The following TENM3 variants were observed in gnomAD, a reference collection of about 807,000 sequenced individuals.
The protein encoded by TENM3 is teneurin-3.
Under a neutral mutation model 255.1 loss-of-function variants are expected in TENM3, and 63 were observed. The ratio of observed to expected loss-of-function variants is 0.25; its 90% CI spans 0.20 to 0.30. TENM3 has a LOEUF of 0.30. Among genes scored for constraint, TENM3 ranks in the 10% least tolerant of loss-of-function variants. The pLI is 1.00. For missense variants in TENM3, 2,929 were observed against 3,461.1 expected, an observed-to-expected ratio of 0.85 and a Z score of 3.86; for synonymous variants, 1,306 against 1,322.3, an observed-to-expected ratio of 0.99 and a Z score of 0.27.
At chr4:182,227,264 G>A (rs1034348358) in intron 1 of TENM3, among the ~76,000 whole-genome samples, 1 of 152,134 alleles carries the variant, frequency 6.6e-6, no homozygotes, top group African/African-American at 2.4e-5. Flanking sequence ...ATTTCTCAGA[G>A]CTGTTCCTCC....
the TENM3 span, among the ~76,000 whole-genome samples, chr4:181,843,961 G>A: frequency 0.011 from 1,666 of 152,046 alleles, 42 homozygotes; most frequent in African/African-American, 0.038. Flanking sequence ...CTCGTGATCC[G>A]CCCGCCTCGG....
chr4:182,628,810 G>T lies in TENM3; in HGVS notation c.909G>T (p.Lys303Asn), dbSNP rs201807618. 7.4e-6 allele frequency: 12 copies of T among 1,611,234 alleles called. No homozygotes were observed. Among genetic ancestry groups the T allele is most frequent in the Middle Eastern group, 1.7e-4 (1 of 6,058 alleles). The change falls in exon 5 of 28, where the codon AAG becomes AAT. Residue 303 changes from lysine (K) to asparagine (N), a missense_variant. Physicochemically the swap from Lys to Asn is moderately conservative, Grantham distance 94. Transcript: ENST00000511685. Reference sequence around the variant, plus strand: ...CTTTTAAATTCAAGAAGTCTTCAAAGTACTGTAGCTGGAAATGCACTGCAC... The same window carrying T: ...CTTTTAAATTCAAGAAGTCTTCAAATTACTGTAGCTGGAAATGCACTGCAC... ...RSAFKFKKSS[K>N]YCSWKCTALC...
At chr4:181,986,295 C>T in the TENM3 span, among the ~76,000 whole-genome samples, 1 of 151,966 alleles carries the variant, frequency 6.6e-6, no homozygotes, top group Non-Finnish European at 1.5e-5. Context: ...AGTGTTCTCC[C>T]TGCTCTCAGG....
At chr4:182,065,190 A>T in the TENM3 span, among the ~76,000 whole-genome samples, 44 of 152,132 alleles carry the variant, frequency 2.9e-4, no homozygotes, top group African/African-American at 1.0e-3. Context: ...ATGTGGCACC[A>T]TGCCTATCTA....
the TENM3 span, among the ~76,000 whole-genome samples, chr4:181,793,368 C>A: frequency 1.3e-3 from 203 of 152,318 alleles, no homozygotes; most frequent in Non-Finnish European, 2.5e-3. Context: ...ACTCGCTGAG[C>A]CCACAGAGCA....
At chr4:182,105,745 T>C in the TENM3 span, among the ~76,000 whole-genome samples, 1 of 152,190 alleles carries the variant, frequency 6.6e-6, no homozygotes, top group South Asian at 2.1e-4. Context: ...CACCCTTATG[T>C]AGCGGATTGA....
the TENM3 span, among the ~76,000 whole-genome samples, chr4:182,109,614 C>T: frequency 1.3e-5 from 2 of 152,144 alleles, no homozygotes; most frequent in Admixed American, 1.3e-4. Context: ...AGTAAAGTAG[C>T]CCAGAGTAGG....
At chr4:182,699,377 C>T (rs1168123532) in intron 12 of TENM3, among the ~76,000 whole-genome samples, 5 of 152,180 alleles carry the variant, frequency 3.3e-5, no homozygotes, top group Admixed American at 2.0e-4. Context: ...TTGGCAAACC[C>T]GATTCCTTCC....
intron 1 of TENM3, among the ~76,000 whole-genome samples, chr4:182,191,942 A>G (rs182283604): frequency 6.6e-6 from 1 of 152,316 alleles, no homozygotes; most frequent in African/African-American, 2.4e-5. Context: ...TATTTATTAC[A>G]TAATTACCGT....
At chr4:181,883,918 G>A in the TENM3 span, among the ~76,000 whole-genome samples, 10 of 152,120 alleles carry the variant, frequency 6.6e-5, no homozygotes, top group Non-Finnish European at 1.3e-4. Flanking sequence ...TCTGGTTGCC[G>A]GAAGAAAGAA....
chr4:182,733,571 G>A (rs181466900), intron 16 of TENM3, among the ~76,000 whole-genome samples: 180 of 150,026 alleles, frequency 1.2e-3, no homozygotes, highest in African/African-American at 4.2e-3. Flanking sequence ...AAACTAAAGA[G>A]GTAAATTTGG....
chr4:181,911,993 C>T, the TENM3 span, among the ~76,000 whole-genome samples: 2 of 152,202 alleles, frequency 1.3e-5, no homozygotes, highest in Non-Finnish European at 2.9e-5. Context: ...TCACAAGACA[C>T]AGAATCTTTG....
chr4:182,495,101 TC>T (rs1163448963), intron 3 of TENM3, among the ~76,000 whole-genome samples: 6 of 152,186 alleles, frequency 3.9e-5, no homozygotes, highest in African/African-American at 1.4e-4. Context: ...CTTTTGCCTG[TC>T]AAGCAGAGGT....
chr4:181,834,908 T>A, the TENM3 span: 3 of 152,216 alleles, frequency 2.0e-5, no homozygotes, highest in African/African-American at 7.2e-5. Flanking sequence ...AGTAATTTGA[T>A]CATTATCTAA....
intron 7 of TENM3, among the ~76,000 whole-genome samples, chr4:182,676,787 G>T (rs959591846): frequency 2.0e-5 from 3 of 152,160 alleles, no homozygotes; most frequent in Non-Finnish European, 2.9e-5. Flanking sequence ...CTTTAAATGA[G>T]GATTTTTAAA....
At chr4:182,490,433 T>A (rs1735179163) in intron 3 of TENM3, among the ~76,000 whole-genome samples, 1 of 152,146 alleles carries the variant, frequency 6.6e-6, no homozygotes, top group Admixed American at 6.5e-5. Context: ...CTTTTTTGCC[T>A]TGATGAGGGA....
chr4:181,766,926 G>C, the TENM3 span, among the ~76,000 whole-genome samples: 5 of 152,062 alleles, frequency 3.3e-5, no homozygotes, highest in Non-Finnish European at 7.4e-5. Context: ...AGAATTTGGA[G>C]ATATTTTTAA....
the TENM3 span, among the ~76,000 whole-genome samples, chr4:181,499,869 C>T: frequency 6.6e-6 from 1 of 152,134 alleles, no homozygotes; most frequent in Non-Finnish European, 1.5e-5. Flanking sequence ...ATCTTTCAGG[C>T]CGAAGAAAGG....
chr4:182,735,747 T>A (rs1761113692), intron 16 of TENM3, among the ~76,000 whole-genome samples: 1 of 152,198 alleles, frequency 6.6e-6, no homozygotes, highest in Non-Finnish European at 1.5e-5. Context: ...CTGTTCTTAT[T>A]CACCAAACTA....
Sources: gnomAD v4.1 joint callset for allele counts (sites outside exome capture counted in the v4.1 genomes callset) on GRCh38, gnomAD v4.1.1 for gene constraint, MANE v1.5 for transcripts, NCBI Gene and HGNC (gene_info 2026-07-23, HGNC 2026-07-21) for gene names.